Variants in SPOCK1 observed in about 807,000 individuals in gnomAD.
SPOCK1 encodes testican-1.
In SPOCK1, 23 loss-of-function variants were observed where a neutral mutation model predicts 55.3. That is an observed-to-expected ratio of 0.42 (90% CI 0.30 to 0.59). The LOEUF is 0.59. Ranked by LOEUF, SPOCK1 falls within the 20% of genes least tolerant of loss-of-function variation. The pLI is 0.22. For missense variants in SPOCK1, 499 were observed against 552.5 expected, an observed-to-expected ratio of 0.90 and a Z score of 0.97; for synonymous variants, 226 against 221.0, an observed-to-expected ratio of 1.02 and a Z score of -0.20.
chr5:137,279,304 A>C (rs1731007294), intron 2 of SPOCK1, among the ~76,000 whole-genome samples: 1 of 152,252 alleles, frequency 6.6e-6, no homozygotes, highest in African/African-American at 2.4e-5. Context: ...AAGAAAGGTA[A>C]CCAGATTAAG....
intron 2 of SPOCK1, among the ~76,000 whole-genome samples, chr5:137,319,328 C>T (rs1470357479): frequency 6.6e-6 from 1 of 152,220 alleles, no homozygotes; most frequent in Admixed American, 6.5e-5. Context: ...ACAAGCAATG[C>T]TCCATGGCTA....
intron 2 of SPOCK1, among the ~76,000 whole-genome samples, chr5:137,390,013 C>T (rs1751682463): frequency 6.6e-6 from 1 of 152,166 alleles, no homozygotes; most frequent in Non-Finnish European, 1.5e-5. Context: ...GGATCTCTAC[C>T]TCCACCCAGG....
rs552185147 is a variant in SPOCK1, at chr5:137,132,704, T to C, written c.347+7876A>G. Among the ~76,000 whole-genome samples the C allele has an allele frequency of 9.8e-5, 15 of 152,326 alleles. No individual in the cohort carries two copies. The South Asian group carries it at 2.9e-3, about 29-fold the overall frequency. ...TAAAACATTCTCCATCTCCTACAGA[T>C]AAAACATGGCTCAAAAAAAAGATGG... On this transcript the variant is annotated intron_variant, in intron 4 of 10. Transcript: ENST00000394945.
At chr5:137,391,002 G>A (rs1211168373) in intron 2 of SPOCK1, among the ~76,000 whole-genome samples, 1 of 152,154 alleles carries the variant, frequency 6.6e-6, no homozygotes, top group African/African-American at 2.4e-5. Flanking sequence ...AACCCGTCAT[G>A]TAGGTTTTAA....
intron 6 of SPOCK1, among the ~76,000 whole-genome samples, chr5:137,008,295 TACACACACACACACACACAC>T (rs141325417): frequency 2.9e-5 from 4 of 138,414 alleles, no homozygotes; most frequent in African/African-American, 1.1e-4. Context: ...TAATAATAAA[TACACACACACACACACACAC>T]ACACACACAC....
chr5:137,328,521 G>A (rs781485551), intron 2 of SPOCK1, among the ~76,000 whole-genome samples: 6 of 152,300 alleles, frequency 3.9e-5, no homozygotes, highest in East Asian at 1.9e-4. Flanking sequence ...ATTTAACGCC[G>A]TGCCAGGCCG....
intron 2 of SPOCK1, among the ~76,000 whole-genome samples, chr5:137,333,196 G>A (rs1758218980): frequency 6.6e-6 from 1 of 152,218 alleles, no homozygotes; most frequent in African/African-American, 2.4e-5. Context: ...GTACAAAGCT[G>A]TGTAGGACAA....
intron 2 of SPOCK1, among the ~76,000 whole-genome samples, chr5:137,315,295 C>T (rs528829451): frequency 1.3e-5 from 2 of 152,340 alleles, no homozygotes; most frequent in East Asian, 3.9e-4. Flanking sequence ...AACTGTAATT[C>T]TCTCTCCATC....
chr5:137,219,130 A>T (rs1755797707), intron 3 of SPOCK1, among the ~76,000 whole-genome samples: 1 of 152,200 alleles, frequency 6.6e-6, no homozygotes, highest in East Asian at 1.9e-4. Flanking sequence ...AGGAAATGCT[A>T]GCATCACCCT....
intron 3 of SPOCK1, among the ~76,000 whole-genome samples, chr5:137,225,911 G>A (rs1400187664): frequency 2.0e-5 from 3 of 152,172 alleles, no homozygotes; most frequent in Non-Finnish European, 2.9e-5. Flanking sequence ...AGCCCTCAAG[G>A]ACACTAGGTC....
chr5:137,310,691 A>G (rs935314361), intron 2 of SPOCK1, among the ~76,000 whole-genome samples: 60 of 152,220 alleles, frequency 3.9e-4, no homozygotes, highest in African/African-American at 1.4e-3. Flanking sequence ...GCATCTGAAA[A>G]TGACAGTTCC....
intron 2 of SPOCK1, among the ~76,000 whole-genome samples, chr5:137,296,868 G>A (rs1049586438): frequency 6.6e-6 from 1 of 152,180 alleles, no homozygotes; most frequent in Non-Finnish European, 1.5e-5. Context: ...GGCTTCCTGA[G>A]ACCAGGCTAC....
chr5:137,081,527 C>T lies in SPOCK1; in HGVS notation c.475-13698G>A, dbSNP rs565670242. Among the ~76,000 whole-genome samples, 3 of 152,316 alleles carry T rather than the reference C, an allele frequency of 2.0e-5. No homozygotes were observed. The South Asian group carries it at 6.2e-4, about 32-fold the overall frequency. On this transcript the variant is annotated intron_variant, in intron 5 of 10. Transcript: ENST00000394945. ...CCATTCAGCCTGCTTTACTTCTGCA[C>T]TTCAGCCCAATTTCTTCCTTTCTCC...
intron 6 of SPOCK1, among the ~76,000 whole-genome samples, chr5:137,034,419 G>A (rs968971775): frequency 6.6e-6 from 1 of 152,158 alleles, no homozygotes; most frequent in South Asian, 2.1e-4. Flanking sequence ...GGCATTCTCC[G>A]AGGCAGAGCT....
At chr5:137,156,451 G>C (rs1754419049) in intron 3 of SPOCK1, among the ~76,000 whole-genome samples, 1 of 152,142 alleles carries the variant, frequency 6.6e-6, no homozygotes, top group Non-Finnish European at 1.5e-5. Context: ...GACCTCAAAA[G>C]GGAAATTAAT....
intron 6 of SPOCK1, among the ~76,000 whole-genome samples, chr5:137,009,262 G>A (rs189232748): frequency 1.3e-5 from 2 of 152,222 alleles, no homozygotes; most frequent in East Asian, 3.9e-4. Context: ...TACATTTGAA[G>A]TAGCATGTAT....
chr5:137,087,909 C>G (rs543173076), intron 5 of SPOCK1, among the ~76,000 whole-genome samples: 1 of 152,290 alleles, frequency 6.6e-6, no homozygotes, highest in South Asian at 2.1e-4. Context: ...CCCAGGATTT[C>G]TGCAACAAAG....
intron 2 of SPOCK1, among the ~76,000 whole-genome samples, chr5:137,351,243 A>C (rs1278385830): frequency 6.6e-6 from 1 of 152,224 alleles, no homozygotes. Flanking sequence ...TCCTTTAGAA[A>C]GAGCTCAGGC....
intron 2 of SPOCK1, among the ~76,000 whole-genome samples, chr5:137,490,722 T>G (rs530829163): frequency 6.6e-6 from 1 of 152,290 alleles, no homozygotes; most frequent in South Asian, 2.1e-4. Flanking sequence ...ACAAACCCCC[T>G]CCCAGTTACG....
Sources: gnomAD v4.1 joint callset for allele counts (sites outside exome capture counted in the v4.1 genomes callset) on GRCh38, gnomAD v4.1.1 for gene constraint, MANE v1.5 for transcripts, NCBI Gene and HGNC (gene_info 2026-07-23, HGNC 2026-07-21) for gene names.